The following ASCC3 variants were observed in gnomAD, a reference collection of about 807,000 sequenced individuals.
ASCC3 encodes activating signal cointegrator 1 complex subunit 3.
In ASCC3, 158 loss-of-function variants were observed where a neutral mutation model predicts 256.3. The ratio of observed to expected loss-of-function variants is 0.62; its 90% CI spans 0.54 to 0.70. ASCC3 has a LOEUF of 0.70. Among genes scored for constraint, ASCC3 ranks in the 30% least tolerant of loss-of-function variants. ASCC3 has a pLI of 0.00. For synonymous variants in ASCC3, 948 were observed against 883.4 expected (o/e 1.07, Z -1.30); for missense variants, 2,259 against 2,626.0 (o/e 0.86, Z 3.05).
chr6:100,513,967 C>T (rs568819899), intron 39 of ASCC3, among the ~76,000 whole-genome samples: 175 of 150,978 alleles, frequency 1.2e-3, no homozygotes, highest in African/African-American at 4.0e-3. Context: ...GTACATGGTA[C>T]TTTAATTTTG....
chr6:100,615,053 T>C (rs935432216), intron 30 of ASCC3, among the ~76,000 whole-genome samples: 2 of 152,082 alleles, frequency 1.3e-5, no homozygotes, highest in Non-Finnish European at 2.9e-5. Flanking sequence ...TCTCGCTCTG[T>C]CGACCAGGTT....
At chr6:100,706,244 T>C (rs1468243872) in intron 13 of ASCC3, among the ~76,000 whole-genome samples, 2 of 151,554 alleles carry the variant, frequency 1.3e-5, no homozygotes, top group Non-Finnish European at 3.0e-5. Context: ...GATGGATATA[T>C]ACAAATCACC....
At chr6:100,739,952 G>A (rs904269101) in intron 10 of ASCC3, among the ~76,000 whole-genome samples, 9 of 151,978 alleles carry the variant, frequency 5.9e-5, no homozygotes, top group African/African-American at 2.2e-4. Context: ...TCTGATCTTG[G>A]TTATCTCTCG....
At chr6:100,697,329 T>C (rs1207804965) in intron 13 of ASCC3, among the ~76,000 whole-genome samples, 1 of 151,810 alleles carries the variant, frequency 6.6e-6, no homozygotes, top group Non-Finnish European at 1.5e-5. Flanking sequence ...GATGGATAGT[T>C]AAAAAGGGGA....
Position 100,661,732 on chromosome 6 carries a change from A to T in ASCC3, c.2703+74T>A, listed in dbSNP as rs529716145. On this transcript the variant is annotated intron_variant, in intron 16 of 41. Coordinates refer to ENST00000369162, the MANE Select transcript of ASCC3 (RefSeq NM_006828.4). ...CCTAAACACTACAAAACAGCAACCA[A>T]CTCAATCTTCATCTTTCTTGGTCAT... is the stretch of plus-strand genomic sequence containing the variant. 2.3e-5 allele frequency: 35 copies of T among 1,492,168 alleles called. No homozygotes were observed. In the African/African-American group the frequency reaches 4.3e-4, roughly 18 times the overall value. 92.4% of individuals were successfully genotyped at this position (1,492,168 alleles called of 1,614,324 possible).
intron 36 of ASCC3, among the ~76,000 whole-genome samples, chr6:100,568,414 T>C (rs1244608100): frequency 2.0e-5 from 3 of 151,924 alleles, no homozygotes; most frequent in Admixed American, 2.0e-4. Context: ...TAGTATCTCA[T>C]TGTGGTTTTG....
At chr6:100,756,143 T>C (rs1209010525) in intron 10 of ASCC3, among the ~76,000 whole-genome samples, 1 of 151,968 alleles carries the variant, frequency 6.6e-6, no homozygotes, top group Non-Finnish European at 1.5e-5. Context: ...TAAAATTGGT[T>C]TGAGTGAATG....
chr6:100,717,107 A>G (rs1225200063), intron 12 of ASCC3, among the ~76,000 whole-genome samples: 2 of 151,998 alleles, frequency 1.3e-5, no homozygotes, highest in Non-Finnish European at 2.9e-5. Flanking sequence ...CCCTTTGTGT[A>G]CAAGTCTAAA....
At chr6:100,532,680 C>G (rs1370656484) in intron 37 of ASCC3, among the ~76,000 whole-genome samples, 1 of 151,564 alleles carries the variant, frequency 6.6e-6, no homozygotes, top group East Asian at 1.9e-4. Context: ...ACATTTTATG[C>G]AAATATGGAA....
chr6:100,675,131 T>G (rs1305880005), intron 14 of ASCC3, among the ~76,000 whole-genome samples: 1 of 37,194 alleles, frequency 2.7e-5, no homozygotes, highest in African/African-American at 1.2e-4. Flanking sequence ...CAAACAGTTG[T>G]TTTTTTTTTT....
At chr6:100,662,729 T>C (rs1293258721) in intron 14 of ASCC3, among the ~76,000 whole-genome samples, 193 bp from the exon 15 acceptor site, 2 of 151,992 alleles carry the variant, frequency 1.3e-5, no homozygotes, top group African/African-American at 2.4e-5. Flanking sequence ...AAATAGGTAA[T>C]ACCAAAATAT....
At chr6:100,850,549 T>A (rs973008906) in intron 3 of ASCC3, among the ~76,000 whole-genome samples, 6 of 152,168 alleles carry the variant, frequency 3.9e-5, no homozygotes, top group African/African-American at 1.4e-4. Context: ...GACACCAGAT[T>A]AGTATTTTTA....
intron 36 of ASCC3, among the ~76,000 whole-genome samples, chr6:100,586,765 C>T (rs989237397): frequency 6.6e-6 from 1 of 152,100 alleles, no homozygotes; most frequent in African/African-American, 2.4e-5. Flanking sequence ...TCTTAATGAA[C>T]CTAATTTCTA....
intron 29 of ASCC3, 46 bp downstream of exon 29, chr6:100,627,544 A>G (rs746548631): frequency 6.2e-7 from 1 of 1,609,746 alleles, no homozygotes; most frequent in South Asian, 1.1e-5. Context: ...TTTGATAGCT[A>G]CCATAAACAA....
intron 36 of ASCC3, among the ~76,000 whole-genome samples, chr6:100,560,819 G>A (rs1237463423): frequency 1.3e-5 from 2 of 149,260 alleles, no homozygotes; most frequent in East Asian, 2.0e-4. Flanking sequence ...AGCACATACT[G>A]TAGGCTAAAT....
intron 13 of ASCC3, among the ~76,000 whole-genome samples, chr6:100,695,637 C>G (rs1778046365): frequency 6.6e-6 from 1 of 152,210 alleles, no homozygotes; most frequent in Non-Finnish European, 1.5e-5. Flanking sequence ...TATAGGCCTT[C>G]CTTTCCTTCC....
intron 30 of ASCC3, among the ~76,000 whole-genome samples, chr6:100,612,089 G>A (rs1330594364): frequency 6.6e-6 from 1 of 151,922 alleles, no homozygotes; most frequent in Non-Finnish European, 1.5e-5. Context: ...CTTAAGGTTG[G>A]GGGGAGGAGG....
intron 13 of ASCC3, among the ~76,000 whole-genome samples, chr6:100,708,475 G>T (rs1456140463): frequency 1.3e-5 from 2 of 152,058 alleles, no homozygotes; most frequent in Non-Finnish European, 2.9e-5. Flanking sequence ...CACTAGGAAA[G>T]AAATCTCAGG....
intron 29 of ASCC3, among the ~76,000 whole-genome samples, chr6:100,626,064 G>A (rs1401378304): frequency 6.6e-6 from 1 of 152,010 alleles, no homozygotes; most frequent in Non-Finnish European, 1.5e-5. Context: ...TAACAAGACT[G>A]AAGTAAATTT....
Sources: allele counts gnomAD v4.1 joint callset (sites outside exome capture counted in the v4.1 genomes callset), GRCh38; gene constraint gnomAD v4.1.1; transcripts MANE v1.5; gene names NCBI Gene and HGNC (gene_info 2026-07-23, HGNC 2026-07-21).